Variants in L3MBTL2 observed in about 807,000 individuals in gnomAD.
L3MBTL2 encodes L3MBTL histone methyl-lysine binding protein 2.
L3MBTL2 carries 49 observed loss-of-function variants against 86.4 expected under a neutral mutation model. The observed-to-expected ratio is 0.57, with a 90% CI of 0.45 to 0.72. The LOEUF is 0.72. L3MBTL2 is among the 30% of genes least tolerant of loss of function. L3MBTL2 has a pLI of 0.00. For synonymous variants in L3MBTL2, 336 were observed against 350.6 expected, an observed-to-expected ratio of 0.96 and a Z score of 0.47; for missense variants, 755 against 923.7, an observed-to-expected ratio of 0.82 and a Z score of 2.37.
intron 2 of L3MBTL2, among the ~76,000 whole-genome samples, chr22:41,213,451 C>T (rs2031075049): frequency 8.6e-6 from 1 of 115,982 alleles, no homozygotes; most frequent in Admixed American, 1.2e-4. Context: ...CCAAATCACA[C>T]CTGGCCTTTT....
chr22:41,219,280 C>G (rs778887035), intron 5 of L3MBTL2, 139 bp from the exon 6 acceptor site: 1 of 668,740 alleles, frequency 1.5e-6, no homozygotes, highest in African/African-American at 1.8e-5. Context: ...CTCTTTATCT[C>G]TAGTAGCTGG....
chr22:41,209,661 A>C, intron 1 of L3MBTL2, 35 bp from the exon 2 acceptor site: 1 of 1,595,192 alleles, frequency 6.3e-7, no homozygotes, highest in Non-Finnish European at 8.6e-7. Context: ...GCCAATCATA[A>C]TTCTTTCTAC....
rs1169808618 is a variant in L3MBTL2, at chr22:41,228,781, C to T, written c.1889-759C>T. Among the ~76,000 whole-genome samples, 6 of 150,598 alleles carry T rather than the reference C, an allele frequency of 4.0e-5. 1 individual carries two copies. The highest frequency in any genetic ancestry group is 7.4e-5 in the Non-Finnish European group (5 of 67,840). On this transcript the variant is annotated intron_variant, in intron 15 of 16. Coordinates refer to ENST00000216237, the MANE Select transcript of L3MBTL2 (RefSeq NM_031488.5). ...AGGAGAATCACTTGAACCTGGGGGC[C>T]GGAGGTGGCAGTGAGCCCAGATCGC...
intron 2 of L3MBTL2, 57 bp downstream of exon 2, chr22:41,209,990 G>C (rs950235892): frequency 1.3e-6 from 2 of 1,587,778 alleles, no homozygotes; most frequent in Non-Finnish European, 1.7e-6. Context: ...TAGAGGAAGA[G>C]GGGGGTGGAT....
intron 13 of L3MBTL2, 114 bp from the exon 14 acceptor site, chr22:41,226,975 G>GC: frequency 1.1e-6 from 1 of 922,870 alleles, no homozygotes; most frequent in South Asian, 1.6e-5. Flanking sequence ...TGCCCCAGCA[G>GC]CCATTCCAGT....
At chr22:41,219,572 C>T in intron 6 of L3MBTL2, 36 bp downstream of exon 6, 1 of 1,367,782 alleles carries the variant, frequency 7.3e-7, no homozygotes, top group African/African-American at 1.4e-5. Context: ...AGGGATGTGT[C>T]TGCAGAGTGA....
intron 3 of L3MBTL2, among the ~76,000 whole-genome samples, 185 bp from the exon 4 acceptor site, chr22:41,215,954 C>T (rs1321528984): frequency 1.3e-5 from 2 of 152,052 alleles, no homozygotes; most frequent in South Asian, 2.1e-4. Context: ...GCACCCCCGA[C>T]GCTTCCCCAC....
At chr22:41,230,084 C>G (rs2032483946) in intron 16 of L3MBTL2, 55 bp from the exon 17 acceptor site, 1 of 804,864 alleles carries the variant, frequency 1.2e-6, no homozygotes, top group Non-Finnish European at 1.9e-6. Flanking sequence ...CCTCCGCCCC[C>G]ACCCCTCCCA....
chr22:41,230,079 GC>G, intron 16 of L3MBTL2, 59 bp from the exon 17 acceptor site: 2 of 532,754 alleles, frequency 3.8e-6, no homozygotes. Context: ...CAGCTCCTCC[GC>G]CCCCACCCCT....
chr22:41,226,667 G>C lies in L3MBTL2; in HGVS notation c.1510G>C (p.Glu504Gln), dbSNP rs755804598. Reference sequence around the variant, plus strand: ...TGAGCTTTCTGCTCCTCCAGGTTATGAGGCACAGACTTTCAACTGGGAGAA... The same window carrying C: ...TGAGCTTTCTGCTCCTCCAGGTTATCAGGCACAGACTTTCAACTGGGAGAA... ...DIELTPPKGY[E>Q]AQTFNWENYL... is the part of the protein sequence containing the mutation. Residue 504 changes from glutamate (E) to glutamine (Q), a missense_variant, in exon 13 of 17, where the codon GAG becomes CAG. Physicochemically the swap from Glu to Gln is conservative, Grantham distance 29. Transcript: ENST00000216237. 1.9e-6 allele frequency: 3 copies of C among 1,612,970 alleles called. No homozygotes were observed. The highest frequency in any genetic ancestry group is 2.5e-6 in the Non-Finnish European group (3 of 1,178,958).
chr22:41,229,782 G>A, intron 16 of L3MBTL2, 126 bp downstream of exon 16: 1 of 1,506,320 alleles, frequency 6.6e-7, no homozygotes, highest in South Asian at 1.2e-5. Flanking sequence ...TGGGCACCAA[G>A]CAGTCCTGTA....
At chr22:41,208,031 C>T (rs886315892) in intron 1 of L3MBTL2, among the ~76,000 whole-genome samples, 4 of 151,940 alleles carry the variant, frequency 2.6e-5, no homozygotes, top group African/African-American at 4.8e-5. Flanking sequence ...GGGATTTCAC[C>T]ATGTTGGCCA....
intron 4 of L3MBTL2, 66 bp downstream of exon 4, chr22:41,216,328 G>A: frequency 6.4e-7 from 1 of 1,571,928 alleles, no homozygotes; most frequent in Non-Finnish European, 8.7e-7. Context: ...GTTTGGGGTG[G>A]CCTTTCCTAG....
rs758863629 is a variant in L3MBTL2 at position 41,227,807 on chromosome 22, C to T, written c.1826C>T (p.Pro609Leu). The part of the protein sequence containing the change: ...YQLQPPVAAE[P>L]ATPLKAKEAT... ...CACCCTTGTCTTTCAACAACAGAACCGGCCACACCGCTGAAGGCCAAAGAG... is the reference window on the plus strand; with the variant it reads ...CACCCTTGTCTTTCAACAACAGAACTGGCCACACCGCTGAAGGCCAAAGAG... The change falls in exon 15 of 17, where the codon CCG becomes CTG. Residue 609 changes from proline (P) to leucine (L), a missense_variant. Pro to Leu is a moderately conservative substitution (Grantham distance 98, BLOSUM62 -3). Transcript: ENST00000216237. This position sits in a 1 kb window ranked among gnomAD's most constrained non-coding sequence, Gnocchi z 6.0. 115 of 1,613,642 alleles carry T rather than the reference C, an allele frequency of 7.1e-5. No homozygotes were observed. Among genetic ancestry groups the T allele is most frequent in the Non-Finnish European group, 9.4e-5 (111 of 1,179,848 alleles).
At position 41,225,718 on chromosome 22, in the gene L3MBTL2, A is replaced by G. The variant is rs913873067; in HGVS notation, c.1357-76A>G. On this transcript the variant is annotated intron_variant, in intron 11 of 16. Coordinates refer to ENST00000216237, the MANE Select transcript of L3MBTL2 (RefSeq NM_031488.5). The surrounding 1 kb of genome is among the most constrained non-coding windows in gnomAD (Gnocchi z 4.1). Reference sequence around the variant, plus strand: ...TTGGATCCATTTGCCTCGTGTCCCTATTGGGGTGCGGTACCAACCCAGGAT... The same window carrying G: ...TTGGATCCATTTGCCTCGTGTCCCTGTTGGGGTGCGGTACCAACCCAGGAT... 2.6e-5 allele frequency: 39 copies of G among 1,493,880 alleles called. 1 individual carries two copies. Among genetic ancestry groups the G allele is most frequent in the South Asian group, 3.8e-5 (3 of 79,230 alleles). The allele number at this position is 1,493,880 out of a possible 1,614,324, so 92.5% of individuals were successfully genotyped here. A position where few individuals can be genotyped will look rare whatever the true frequency, so the allele number is the denominator to read the frequency against.
chr22:41,209,638 C>T, intron 1 of L3MBTL2, 58 bp from the exon 2 acceptor site: 1 of 1,493,244 alleles, frequency 6.7e-7, no homozygotes, highest in Non-Finnish European at 9.3e-7. Context: ...AGCTTCTCCC[C>T]CCGTGCACTA....
chr22:41,225,929 A>T lies in L3MBTL2; in HGVS notation c.1492A>T (p.Thr498Ser). The change falls in exon 12 of 17, where the codon ACA becomes TCA. Residue 498 changes from threonine (T) to serine (S), a missense_variant. By Grantham distance (58) the Thr-to-Ser change is moderately conservative. This residue lies in a region of L3MBTL2 where 634 missense variants were observed against 748.9 expected (regional missense o/e 0.85). Transcript: ENST00000216237. The surrounding 1 kb of genome is among the most constrained non-coding windows in gnomAD (Gnocchi z 4.1). ...CTGTCAGAAGAATGACATTGAGCTC[A>T]CACCGCCAAAAGGTAAGACTAGAGA... ...TFCQKNDIELTPPKGYEAQTF... is the reference protein window; with the variant it reads ...TFCQKNDIELSPPKGYEAQTF... The T allele has an allele frequency of 6.2e-7, 1 of 1,613,946 alleles. No individual in the cohort carries two copies. Among genetic ancestry groups the T allele is most frequent in the South Asian group, 1.1e-5 (1 of 91,078 alleles).
Position 41,225,683 on chromosome 22 carries a change from C to A in L3MBTL2, c.1357-111C>A. 8.4e-7 allele frequency: 1 copy of A among 1,184,912 alleles called. No individual in the cohort carries two copies. The highest frequency in any genetic ancestry group is 2.6e-4 in the Middle Eastern group (1 of 3,820). The allele number at this position is 1,184,912 out of a possible 1,614,324, so 73.4% of individuals were successfully genotyped here. ...AGGTGTCCTCCAGGAGGGCCATGCC[C>A]TAGATCCGTTTGGATCCATTTGCCT... On this transcript the variant is annotated intron_variant, in intron 11 of 16. Coordinates refer to ENST00000216237, the MANE Select transcript of L3MBTL2 (RefSeq NM_031488.5). This position sits in a 1 kb window ranked among gnomAD's most constrained non-coding sequence, Gnocchi z 4.1.
At position 41,230,340 on chromosome 22, in the gene L3MBTL2, G is replaced by A. The variant is rs1484624576; in HGVS notation, c.*89G>A. On this transcript the variant is annotated 3_prime_UTR_variant, in exon 17 of 17. Transcript: ENST00000216237. ...CCATGCCTCCACCTGACTTTGGCTT[G>A]GAGACTGATCCTCTCTGTGTAAATT... The A allele has an allele frequency of 1.9e-5, 18 of 947,486 alleles. No homozygotes were observed. The highest frequency in any genetic ancestry group is 2.7e-5 in the Non-Finnish European group (16 of 593,886). The allele number at this position is 947,486 out of a possible 1,614,324, so 58.7% of individuals were successfully genotyped here.
Sources: gnomAD v4.1 joint callset for allele counts (sites outside exome capture counted in the v4.1 genomes callset) on GRCh38, gnomAD v4.1.1 for gene constraint, gnomAD v4.1.1 regional missense constraint, Gnocchi (gnomAD v3.1) non-coding constraint, MANE v1.5 for transcripts, NCBI Gene and HGNC (gene_info 2026-07-23, HGNC 2026-07-21) for gene names.